Variants in MELTF observed in about 807,000 individuals in gnomAD.
The protein encoded by MELTF is antigen p97 (melanoma associated) identified by monoclonal antibodies 133.2 and 96.5.
In MELTF, 67 loss-of-function variants were observed where a neutral mutation model predicts 83.7. The ratio of observed to expected loss-of-function variants is 0.80; its 90% CI spans 0.66 to 0.98. MELTF has a LOEUF of 0.98. MELTF is among the 50% of genes least tolerant of loss of function. MELTF has a pLI of 0.00. For synonymous variants in MELTF, 462 were observed against 447.6 expected, an observed-to-expected ratio of 1.03 and a Z score of -0.41; for missense variants, 1,002 against 1,035.6, an observed-to-expected ratio of 0.97 and a Z score of 0.44.
chr3:197,010,720 G>A lies in MELTF; in HGVS notation c.1308C>T (p.Pro436=), dbSNP rs148575717. 2,733 of 1,613,374 alleles carry A rather than the reference G, an allele frequency of 1.7e-3. 1 individual carries two copies. The highest frequency in any genetic ancestry group is 2.1e-3 in the Non-Finnish European group (2,430 of 1,179,918). The change falls in exon 10 of 16, where the codon CCC becomes CCT. Residue 436 remains proline (P), a synonymous_variant. Coordinates refer to ENST00000296350, the MANE Select transcript of MELTF (RefSeq NM_005929.6). ...CACGGGCATAGTGCTCCCCGGCTGC[G>A]GGAACCAGGCCGTACGTCTTCCCCG... is the stretch of plus-strand genomic sequence containing the variant. The part of the protein sequence containing the change: ...YTAGKTYGLV[P]AAGEHYAPED...
chr3:197,013,285 A>T (rs145580762), intron 9 of MELTF, among the ~76,000 whole-genome samples: 2 of 152,348 alleles, frequency 1.3e-5, no homozygotes, highest in East Asian at 3.9e-4. Flanking sequence ...TCTCTTCTTC[A>T]GTGGACGCTG....
chr3:197,026,560 A>T, intron 3 of MELTF, 100 bp downstream of exon 3: 1 of 1,036,584 alleles, frequency 9.6e-7, no homozygotes, highest in Non-Finnish European at 1.5e-6. Context: ...TGCTCTGTGG[A>T]CAGGGCTGAT....
In MELTF at chr3:197,002,479, G is replaced by C. The variant is rs1006556892; in HGVS notation, c.*893C>G. On this transcript the variant is annotated 3_prime_UTR_variant, in exon 16 of 16. Transcript: ENST00000296350. The stretch of plus-strand genomic sequence containing the variant: ...GGTCCCCAGGCCCAGCGGGTGCGGG[G>C]CCGGGTGAGGAGACGGAGCTCACCC... 3.9e-5 allele frequency: 6 copies of C among 152,200 alleles called. No homozygotes were observed. The highest frequency in any genetic ancestry group is 1.4e-4 in the African/African-American group (6 of 41,436). 9.4% of individuals were successfully genotyped at this position (152,200 alleles called of 1,614,324 possible).
chr3:197,009,570 C>A, intron 11 of MELTF, 48 bp downstream of exon 11: 1 of 1,562,946 alleles, frequency 6.4e-7, no homozygotes, highest in Non-Finnish European at 8.7e-7. Flanking sequence ...CCCTAGCTAA[C>A]CCCAGAGAAG....
At chr3:197,025,221 G>A (rs967819566) in intron 3 of MELTF, among the ~76,000 whole-genome samples, 2 of 152,260 alleles carry the variant, frequency 1.3e-5, no homozygotes, top group Admixed American at 6.5e-5. Context: ...GCATGCACGC[G>A]TGCACAAACT....
Position 197,002,869 on chromosome 3 carries a change from CG to C in MELTF, c.*502del, listed in dbSNP as rs1416656230. On this transcript the variant is annotated 3_prime_UTR_variant, in exon 16 of 16. Transcript: ENST00000296350. ...GGGCGAAGGCTTCTCCCCGTCGCCC[CG>C]GTCCGGCCTCCCTCCCGCCGCCGCC... The C allele has an allele frequency of 2.0e-5, 3 of 151,982 alleles. No homozygotes were observed. In the East Asian group the frequency reaches 5.8e-4, roughly 29 times the overall value. 9.4% of individuals were successfully genotyped at this position (151,982 alleles called of 1,614,324 possible).
intron 6 of MELTF, chr3:197,018,996 A>G: frequency 2.0e-6 from 2 of 985,470 alleles, no homozygotes; most frequent in East Asian, 1.1e-4. Context: ...AAGGAGGAAA[A>G]AAACCTCTAC....
chr3:197,029,431 G>T lies in MELTF; in HGVS notation c.49+223C>A, dbSNP rs946923820. The stretch of plus-strand genomic sequence containing the variant: ...TCTCCTTGGAGCGTCGGAAGCCTCG[G>T]GTGTTCGAGGCCGCCTCCTCCAAGA... On this transcript the variant is annotated intron_variant, in intron 1 of 15. Coordinates refer to ENST00000296350, the MANE Select transcript of MELTF (RefSeq NM_005929.6). This position sits in a 1 kb window ranked among gnomAD's most constrained non-coding sequence, Gnocchi z 6.5. The T allele has an allele frequency of 5.1e-6, 2 of 393,170 alleles. No individual in the cohort carries two copies. Among genetic ancestry groups the T allele is most frequent in the Admixed American group, 8.9e-5 (2 of 22,386 alleles). 24.4% of individuals were successfully genotyped at this position (393,170 alleles called of 1,614,324 possible). A position where few individuals can be genotyped will look rare whatever the true frequency, so the allele number is the denominator to read the frequency against.
In MELTF at chr3:197,006,667, G is replaced by A; in HGVS notation, c.1820C>T (p.Ala607Val). 6.3e-7 allele frequency: 1 copy of A among 1,597,164 alleles called. No homozygotes were observed. The highest frequency in any genetic ancestry group is 8.5e-7 in the Non-Finnish European group (1 of 1,171,594). Residue 607 changes from alanine (A) to valine (V), a missense_variant, in exon 14 of 16, where the codon GCC (alanine) becomes GTC (valine). By Grantham distance (64) the Ala-to-Val change is moderately conservative. Coordinates refer to ENST00000296350, the MANE Select transcript of MELTF (RefSeq NM_005929.6). This position sits in a 1 kb window ranked among gnomAD's most constrained non-coding sequence, Gnocchi z 5.4. ...EDYELLCPNG[A>V]RAEVSQFAAC... Reference sequence around the variant, plus strand: ...TGCAAACTGGGACACCTCGGCTCGGGCCCCGTTGGGGCACAGCAGTTCATA... The same window carrying A: ...TGCAAACTGGGACACCTCGGCTCGGACCCCGTTGGGGCACAGCAGTTCATA...
chr3:197,024,000 TC>T, intron 4 of MELTF: 1 of 609,992 alleles, frequency 1.6e-6, no homozygotes, highest in South Asian at 1.5e-5. Flanking sequence ...TGGGAAGCAC[TC>T]CTGGGAGATT....
chr3:197,003,747 C>T lies in MELTF; in HGVS notation c.2137+154G>A. 1.2e-6 allele frequency: 1 copy of T among 856,600 alleles called. No individual in the cohort carries two copies. Among genetic ancestry groups the T allele is most frequent in the South Asian group, 1.7e-5 (1 of 57,646 alleles). 53.1% of individuals were successfully genotyped at this position (856,600 alleles called of 1,614,324 possible). On this transcript the variant is annotated intron_variant, in intron 15 of 15. Transcript: ENST00000296350. The surrounding 1 kb of genome is among the most constrained non-coding windows in gnomAD (Gnocchi z 6.2). ...TCCCGCCCTCCCGGCCCGCAGCCTC[C>T]TGGCCAAAATCCTCCCGGGACACCC...
Position 197,009,709 on chromosome 3 carries a change from G to C in MELTF, c.1434C>G (p.Ala478=). The change falls in exon 11 of 16, where the codon GCC becomes GCG. Residue 478 remains alanine, a synonymous_variant. Transcript: ENST00000296350. The part of the protein sequence containing the change: ...DELRGKRSCH[A]GFGSPAGWDV... ...CCCAGCCTGCAGGGCTGCCGAAACC[G>C]GCGTGGCAGGAGCGCTTGCCCCGAA... is the stretch of plus-strand genomic sequence containing the variant. 6.2e-7 allele frequency: 1 copy of C among 1,613,704 alleles called. No individual in the cohort carries two copies. The highest frequency in any genetic ancestry group is 8.5e-7 in the Non-Finnish European group (1 of 1,180,034).
chr3:197,009,858 C>G, intron 10 of MELTF, 46 bp from the exon 11 acceptor site: 1 of 1,551,608 alleles, frequency 6.4e-7, no homozygotes, highest in Non-Finnish European at 8.9e-7. Flanking sequence ...TCTGAGAGCC[C>G]GGGCAAGTGC....
At chr3:197,023,204 C>T (rs1175970538) in intron 4 of MELTF, 91 bp from the exon 5 acceptor site, 15 of 1,278,734 alleles carry the variant, frequency 1.2e-5, no homozygotes, top group Non-Finnish European at 1.1e-6. Context: ...GGGCTCTCAT[C>T]TGGACTCTGC....
chr3:197,015,117 G>A (rs1560215655), intron 9 of MELTF, among the ~76,000 whole-genome samples: 1 of 152,142 alleles, frequency 6.6e-6, no homozygotes, highest in Non-Finnish European at 1.5e-5. Context: ...GGCTCTCCAG[G>A]GGACTCACCC....
At chr3:197,027,548 C>T (rs1719906050) in intron 2 of MELTF, among the ~76,000 whole-genome samples, 2 of 152,236 alleles carry the variant, frequency 1.3e-5, no homozygotes, top group South Asian at 4.1e-4. Flanking sequence ...CTGGCGCCCT[C>T]TGAGCAGCGG....
At chr3:197,025,191 G>C (rs1014908004) in intron 3 of MELTF, among the ~76,000 whole-genome samples, 1 of 152,242 alleles carries the variant, frequency 6.6e-6, no homozygotes, top group African/African-American at 2.4e-5. Context: ...GTCTCCCATC[G>C]CACGGGCGCA....
At position 197,016,481 on chromosome 3, in the gene MELTF, C is replaced by G. The variant is rs578111318; in HGVS notation, c.901-112G>C. ...CCCCGACCTCAGACCAGGCACCCAC[C>G]CTGAGGGCCAGGTGAGGCCTCCCTC... On this transcript the variant is annotated intron_variant, in intron 7 of 15. Transcript: ENST00000296350. 2.7e-5 allele frequency: 26 copies of G among 964,228 alleles called. No homozygotes were observed. In the Admixed American group the frequency reaches 5.7e-4, roughly 21 times the overall value. 59.7% of individuals were successfully genotyped at this position (964,228 alleles called of 1,614,324 possible). A position where few individuals can be genotyped will look rare whatever the true frequency, so the allele number is the denominator to read the frequency against.
At chr3:197,018,401 T>C (rs1009707248) in intron 6 of MELTF, among the ~76,000 whole-genome samples, 1 of 152,110 alleles carries the variant, frequency 6.6e-6, no homozygotes, top group Admixed American at 6.5e-5. Flanking sequence ...TCCACCCACC[T>C]CGGCCTCCCA....
Sources: gnomAD v4.1 joint callset for allele counts (sites outside exome capture counted in the v4.1 genomes callset) on GRCh38, gnomAD v4.1.1 for gene constraint, Gnocchi (gnomAD v3.1) non-coding constraint, MANE v1.5 for transcripts, NCBI Gene and HGNC (gene_info 2026-07-23, HGNC 2026-07-21) for gene names.